Variants in UBTD1 observed in about 807,000 individuals in gnomAD.
UBTD1 encodes ubiquitin domain containing 1.
In UBTD1, 19 loss-of-function variants were observed where a neutral mutation model predicts 21.7. The observed-to-expected ratio is 0.87, with a 90% CI of 0.61 to 1.28. The LOEUF (loss-of-function observed/expected upper bound fraction) is 1.28. Among genes scored for constraint, UBTD1 ranks in the 50% most tolerant of loss-of-function variants. UBTD1 has a pLI of 0.00. For synonymous variants in UBTD1, 116 were observed against 135.1 expected, an observed-to-expected ratio of 0.86 and a Z score of 0.98; for missense variants, 282 against 315.1, an observed-to-expected ratio of 0.89 and a Z score of 0.80.
intron 1 of UBTD1, among the ~76,000 whole-genome samples, chr10:97,567,041 G>A (rs1485981693): frequency 6.6e-6 from 1 of 151,984 alleles, no homozygotes; most frequent in Non-Finnish European, 1.5e-5. Context: ...CTTTTTTTAA[G>A]TGGGACATTA....
At chr10:97,515,830 A>G (rs1273528643) in intron 1 of UBTD1, among the ~76,000 whole-genome samples, 1 of 152,146 alleles carries the variant, frequency 6.6e-6, no homozygotes, top group Non-Finnish European at 1.5e-5. Flanking sequence ...ACTCAGCTCC[A>G]GCCAAGGGAT....
intron 1 of UBTD1, among the ~76,000 whole-genome samples, chr10:97,500,297 G>C (rs12356581): frequency 6.6e-6 from 1 of 152,198 alleles, no homozygotes; most frequent in South Asian, 2.1e-4. Flanking sequence ...AACTCTAGTT[G>C]GAGTTTCCTG....
chr10:97,510,038 C>T lies in UBTD1; in HGVS notation c.70+10765C>T, dbSNP rs1463313684. On this transcript the variant is annotated intron_variant, in intron 1 of 2. Coordinates refer to ENST00000370664, the MANE Select transcript of UBTD1 (RefSeq NM_024954.5). ...AGTGCAATGGCACAATCTCAGCTCA[C>T]TGCAATCTCTGCCTCCTGGGTTCAA... 2.6e-5 allele frequency among the ~76,000 whole-genome samples: 4 copies of T among 151,886 alleles called. No individual in the cohort carries two copies. The East Asian group carries it at 5.8e-4, about 22-fold the overall frequency.
chr10:97,568,288 G>T, intron 2 of UBTD1, 147 bp downstream of exon 2: 1 of 777,118 alleles, frequency 1.3e-6, no homozygotes, highest in South Asian at 1.7e-5. Flanking sequence ...CATGGACCAG[G>T]AGTGGGTACA....
chr10:97,542,805 G>A (rs1408263205), intron 1 of UBTD1, among the ~76,000 whole-genome samples: 5 of 152,212 alleles, frequency 3.3e-5, no homozygotes, highest in Admixed American at 3.3e-4. Flanking sequence ...TGACCACCCT[G>A]GCTATAAGGG....
At chr10:97,534,739 C>T (rs1332562022) in intron 1 of UBTD1, among the ~76,000 whole-genome samples, 1 of 152,172 alleles carries the variant, frequency 6.6e-6, no homozygotes, top group African/African-American at 2.4e-5. Context: ...CTTGCAGATG[C>T]TAACACTGTC....
chr10:97,500,828 T>A (rs970154024), intron 1 of UBTD1, among the ~76,000 whole-genome samples: 11 of 152,220 alleles, frequency 7.2e-5, no homozygotes, highest in African/African-American at 2.7e-4. Flanking sequence ...AATACCCCTA[T>A]GCTTAAACTT....
At chr10:97,539,247 T>A (rs1277292730) in intron 1 of UBTD1, among the ~76,000 whole-genome samples, 1 of 152,156 alleles carries the variant, frequency 6.6e-6, no homozygotes, top group African/African-American at 2.4e-5. Context: ...CCTGAACAGC[T>A]CCACTTTACC....
chr10:97,545,559 T>C (rs1278697885), intron 1 of UBTD1, among the ~76,000 whole-genome samples: 1 of 152,210 alleles, frequency 6.6e-6, no homozygotes, highest in African/African-American at 2.4e-5. Context: ...TTTATTAGGA[T>C]AATCTTCTTG....
intron 1 of UBTD1, among the ~76,000 whole-genome samples, chr10:97,525,050 C>G (rs2040482287): frequency 6.6e-6 from 1 of 152,228 alleles, no homozygotes; most frequent in African/African-American, 2.4e-5. Flanking sequence ...AGTATTTTCA[C>G]TTGTGTGTGC....
intron 1 of UBTD1, among the ~76,000 whole-genome samples, chr10:97,537,035 G>A (rs1477125014): frequency 1.3e-5 from 2 of 152,198 alleles, no homozygotes; most frequent in East Asian, 3.9e-4. Flanking sequence ...GGGGTGTGGT[G>A]GGGACTGAGG....
intron 1 of UBTD1, among the ~76,000 whole-genome samples, chr10:97,528,980 C>G (rs1368034637): frequency 6.6e-6 from 1 of 151,670 alleles, no homozygotes; most frequent in African/African-American, 2.4e-5. Context: ...GGGTGGCTGC[C>G]GGGCGGAGAC....
intron 1 of UBTD1, among the ~76,000 whole-genome samples, chr10:97,513,344 G>A (rs2040430186): frequency 6.6e-6 from 1 of 152,228 alleles, no homozygotes; most frequent in Admixed American, 6.5e-5. Context: ...GTAGACAAGT[G>A]CTAAGTCATA....
At chr10:97,512,212 C>G (rs2040425691) in intron 1 of UBTD1, among the ~76,000 whole-genome samples, 1 of 152,194 alleles carries the variant, frequency 6.6e-6, no homozygotes, top group African/African-American at 2.4e-5. Context: ...CTGGCCCAGG[C>G]AGCAGATCCA....
intron 1 of UBTD1, among the ~76,000 whole-genome samples, chr10:97,524,252 C>T (rs1243511358): frequency 1.3e-5 from 2 of 151,094 alleles, no homozygotes; most frequent in African/African-American, 4.9e-5. Flanking sequence ...GCGCCACCAT[C>T]CCTGGCTAAT....
At chr10:97,530,699 C>G (rs1295205253) in intron 1 of UBTD1, among the ~76,000 whole-genome samples, 1 of 151,950 alleles carries the variant, frequency 6.6e-6, no homozygotes, top group Non-Finnish European at 1.5e-5. Context: ...GGATCGTGGA[C>G]ATCATAATGG....
chr10:97,530,184 G>A (rs1249412693), intron 1 of UBTD1, among the ~76,000 whole-genome samples: 1 of 149,778 alleles, frequency 6.7e-6, no homozygotes, highest in African/African-American at 2.5e-5. Flanking sequence ...CATACTAGAA[G>A]CTCAATACAT....
At chr10:97,527,302 C>A (rs1243280878) in intron 1 of UBTD1, among the ~76,000 whole-genome samples, 1 of 151,366 alleles carries the variant, frequency 6.6e-6, no homozygotes, top group Non-Finnish European at 1.5e-5. Flanking sequence ...GCCTGGGCAA[C>A]CCTATCTATA....
chr10:97,535,034 G>A (rs1010113754), intron 1 of UBTD1, among the ~76,000 whole-genome samples: 2 of 152,214 alleles, frequency 1.3e-5, no homozygotes, highest in African/African-American at 4.8e-5. Context: ...AAGAGGGTTT[G>A]TGTGGGCAGT....
Sources: gnomAD v4.1 joint callset for allele counts (sites outside exome capture counted in the v4.1 genomes callset) on GRCh38, gnomAD v4.1.1 for gene constraint, MANE v1.5 for transcripts, NCBI Gene and HGNC (gene_info 2026-07-23, HGNC 2026-07-21) for gene names.